ITGB3BP: variants seen among roughly 807,000 people sequenced by gnomAD.
ITGB3BP encodes the protein integrin subunit beta 3 binding protein.
A neutral mutation model predicts 29.1 loss-of-function variants in ITGB3BP; 27 were observed. That is an observed-to-expected ratio of 0.93 (90% CI 0.68 to 1.28). The LOEUF (loss-of-function observed/expected upper bound fraction) is 1.28. ITGB3BP is among the 50% of genes most tolerant of loss of function. The probability of loss-of-function intolerance (pLI) is 0.00; values close to 1 mark genes in which losing one functional copy is unlikely to be tolerated. For synonymous variants in ITGB3BP, 61 were observed against 61.4 expected, an observed-to-expected ratio of 0.99 and a Z score of 0.03; for missense variants, 192 against 200.2, an observed-to-expected ratio of 0.96 and a Z score of 0.25.
chr1:63,500,921 T>C (rs1448161913), intron 2 of ITGB3BP, among the ~76,000 whole-genome samples: 5 of 152,188 alleles, frequency 3.3e-5, no homozygotes, highest in Non-Finnish European at 7.3e-5. Flanking sequence ...AAACTTACAG[T>C]AATGAAGACC....
intron 4 of ITGB3BP, among the ~76,000 whole-genome samples, chr1:63,467,895 A>G (rs1645127556): frequency 6.6e-6 from 1 of 152,252 alleles, no homozygotes; most frequent in Non-Finnish European, 1.5e-5. Context: ...TTTTATTGGT[A>G]AATGACTGAA....
intron 2 of ITGB3BP, among the ~76,000 whole-genome samples, chr1:63,493,287 C>T (rs537518251): frequency 9.2e-5 from 14 of 151,802 alleles, no homozygotes; most frequent in Admixed American, 9.2e-4. Context: ...CATGGTGGCG[C>T]GCCTGTTGTC....
At chr1:63,522,937 G>A (rs1436353828) in intron 1 of ITGB3BP, 192 bp downstream of exon 1, 1 of 776,720 alleles carries the variant, frequency 1.3e-6, no homozygotes, top group South Asian at 1.4e-5. Context: ...AGCGAAGGAG[G>A]ACTATCGTAT....
chr1:63,482,250 G>C (rs922312004), intron 3 of ITGB3BP, among the ~76,000 whole-genome samples: 6 of 114,758 alleles, frequency 5.2e-5, no homozygotes, highest in African/African-American at 1.9e-4. Context: ...TCCAGCCTGG[G>C]TGACAGAGTG....
At chr1:63,496,094 A>AT (rs760733420) in intron 2 of ITGB3BP, among the ~76,000 whole-genome samples, 14,088 of 140,474 alleles carry the variant, frequency 0.1, 2,082 homozygotes, top group African/African-American at 0.33. Context: ...GGCCACTACA[A>AT]TTTTTTTTTT....
intron 3 of ITGB3BP, among the ~76,000 whole-genome samples, chr1:63,481,744 C>G (rs1221908893): frequency 1.3e-5 from 2 of 152,180 alleles, no homozygotes; most frequent in Non-Finnish European, 2.9e-5. Context: ...GTGATGACAA[C>G]GGCTAACACA....
chr1:63,522,736 T>G (rs1344265827), intron 1 of ITGB3BP, among the ~76,000 whole-genome samples: 2 of 152,126 alleles, frequency 1.3e-5, no homozygotes, highest in Non-Finnish European at 2.9e-5. Context: ...ACTCAGTCCA[T>G]GAGTTCTCCC....
rs747909265 is a variant in ITGB3BP, at chr1:63,454,358, T to A, written c.427+22A>T. 1 of 1,295,524 alleles carries A rather than the reference T, an allele frequency of 7.7e-7. No homozygotes were observed. Among genetic ancestry groups the A allele is most frequent in the South Asian group, 1.2e-5 (1 of 80,154 alleles). The allele number at this position is 1,295,524 out of a possible 1,614,324, so 80.3% of individuals were successfully genotyped here. A position where few individuals can be genotyped will look rare whatever the true frequency, so the allele number is the denominator to read the frequency against. On this transcript the variant is annotated intron_variant, in intron 6 of 8. Transcript: ENST00000271002. This position sits in a 1 kb window ranked among gnomAD's most constrained non-coding sequence, Gnocchi z 4.1. ...AGGTTTATCTTTAAAATTACTGTCATTGAAAACTCAAAAATTCTTACTTAG... is the reference window on the plus strand; with the variant it reads ...AGGTTTATCTTTAAAATTACTGTCAATGAAAACTCAAAAATTCTTACTTAG...
chr1:63,459,847 G>C (rs935985620), intron 4 of ITGB3BP, among the ~76,000 whole-genome samples: 2 of 152,000 alleles, frequency 1.3e-5, no homozygotes, highest in African/African-American at 4.8e-5. Context: ...CTTGGTAAAT[G>C]GTTAAAAATA....
chr1:63,480,182 T>C (rs1268392776), intron 3 of ITGB3BP, among the ~76,000 whole-genome samples: 1 of 152,108 alleles, frequency 6.6e-6, no homozygotes, highest in Non-Finnish European at 1.5e-5. Flanking sequence ...GTTTCACAAA[T>C]TGACAGATGC....
intron 4 of ITGB3BP, chr1:63,457,708 C>G (rs1268501352): frequency 6.6e-6 from 1 of 152,156 alleles, no homozygotes; most frequent in East Asian, 1.9e-4. Context: ...AGATTTGCCT[C>G]TCGCTAGACT....
chr1:63,492,189 CTGTGTGTGTG>C (rs10610086), intron 2 of ITGB3BP, among the ~76,000 whole-genome samples: 3,973 of 149,060 alleles, frequency 0.027, 165 homozygotes, highest in African/African-American at 0.087. Flanking sequence ...TGCATGTGCT[CTGTGTGTGTG>C]TGTGTGTGTG....
chr1:63,467,692 A>C (rs1293706298), intron 4 of ITGB3BP, among the ~76,000 whole-genome samples: 3 of 152,200 alleles, frequency 2.0e-5, no homozygotes, highest in African/African-American at 7.2e-5. Context: ...TCTATTAGAC[A>C]TATCTATAGG....
intron 2 of ITGB3BP, among the ~76,000 whole-genome samples, chr1:63,498,835 G>T (rs1645853619): frequency 6.6e-6 from 1 of 152,134 alleles, no homozygotes; most frequent in Non-Finnish European, 1.5e-5. Flanking sequence ...AGGAAGAAAA[G>T]GAGGGAGGGA....
At chr1:63,504,075 T>C (rs1395583842) in intron 2 of ITGB3BP, among the ~76,000 whole-genome samples, 1 of 151,870 alleles carries the variant, frequency 6.6e-6, no homozygotes, top group Non-Finnish European at 1.5e-5. Context: ...TTGATGGGGA[T>C]GGCATTGAAT....
chr1:63,510,905 A>G (rs1646186368), intron 1 of ITGB3BP, among the ~76,000 whole-genome samples: 1 of 152,190 alleles, frequency 6.6e-6, no homozygotes, highest in African/African-American at 2.4e-5. Flanking sequence ...CTTTACTGTT[A>G]GTAGGAATAG....
intron 4 of ITGB3BP, among the ~76,000 whole-genome samples, chr1:63,470,089 G>A (rs1645170151): frequency 6.6e-6 from 1 of 152,178 alleles, no homozygotes; most frequent in African/African-American, 2.4e-5. Flanking sequence ...CATCCCATAA[G>A]GGATACTTTT....
chr1:63,520,321 G>A (rs920765044), intron 1 of ITGB3BP, among the ~76,000 whole-genome samples: 2 of 152,110 alleles, frequency 1.3e-5, no homozygotes, highest in Non-Finnish European at 2.9e-5. Context: ...TCAAATCCTG[G>A]TTTGTCTTAC....
chr1:63,522,933 G>A (rs1321849072), intron 1 of ITGB3BP, 196 bp downstream of exon 1: 3 of 771,942 alleles, frequency 3.9e-6, no homozygotes, highest in African/African-American at 1.7e-5. Context: ...AGAAAGCGAA[G>A]GAGGACTATC....
Sources: gnomAD v4.1 joint callset for allele counts (sites outside exome capture counted in the v4.1 genomes callset) on GRCh38, gnomAD v4.1.1 for gene constraint, Gnocchi (gnomAD v3.1) non-coding constraint, MANE v1.5 for transcripts, NCBI Gene and HGNC (gene_info 2026-07-23, HGNC 2026-07-21) for gene names.